The following FAM83A variants were observed in gnomAD, a reference collection of about 807,000 sequenced individuals.
FAM83A encodes scaffolding CK1 anchoring protein A.
A neutral mutation model predicts 24.4 loss-of-function variants in FAM83A; 21 were observed. The ratio of observed to expected loss-of-function variants is 0.86; its 90% CI spans 0.61 to 1.24. The LOEUF (loss-of-function observed/expected upper bound fraction) is 1.24. Among genes scored for constraint, FAM83A ranks in the 50% most tolerant of loss-of-function variants. The probability of loss-of-function intolerance (pLI) is 0.00; values close to 1 mark genes in which losing one functional copy is unlikely to be tolerated. For synonymous variants in FAM83A, 270 were observed against 252.4 expected, an observed-to-expected ratio of 1.07 and a Z score of -0.66; for missense variants, 617 against 579.8, an observed-to-expected ratio of 1.06 and a Z score of -0.66.
At chr8:123,197,186 G>C (rs149678477) in intron 3 of FAM83A, among the ~76,000 whole-genome samples, 15 of 152,308 alleles carry the variant, frequency 9.8e-5, no homozygotes, top group Non-Finnish European at 1.6e-4. Flanking sequence ...GGTGGGGCAA[G>C]TTTTCAGAGA....
intron 1 of FAM83A, among the ~76,000 whole-genome samples, chr8:123,188,862 T>C (rs767594489): frequency 7.9e-5 from 12 of 152,168 alleles, no homozygotes; most frequent in Non-Finnish European, 1.8e-4. Context: ...TGGAAGACAA[T>C]CCCAACAGGA....
At chr8:123,207,172 C>G (rs754046352) in exon 4 of FAM83A, 1 of 1,591,816 alleles carries the variant, frequency 6.3e-7, no homozygotes, top group African/African-American at 1.4e-5. Context: ...CCTGGCTCTG[C>G]GGACACGTGC....
At chr8:123,208,262 GC>G in exon 4 of FAM83A, 1 of 985,518 alleles carries the variant, frequency 1.0e-6, no homozygotes, top group Non-Finnish European at 1.2e-6. Flanking sequence ...TAGGGGTGAG[GC>G]CCCAGAACCC....
chr8:123,187,552 T>C (rs1158237613), intron 1 of FAM83A, among the ~76,000 whole-genome samples: 2 of 152,254 alleles, frequency 1.3e-5, no homozygotes, highest in African/African-American at 4.8e-5. Context: ...TTATTTTATG[T>C]TAACATACGA....
intron 3 of FAM83A, among the ~76,000 whole-genome samples, chr8:123,205,969 CCT>C (rs1254614047): frequency 2.0e-5 from 3 of 151,942 alleles, no homozygotes; most frequent in East Asian, 3.9e-4. Flanking sequence ...ATGGTGAACC[CCT>C]GTCTCTACTA....
At chr8:123,199,685 G>C (rs955500828) in intron 3 of FAM83A, among the ~76,000 whole-genome samples, 5 of 151,982 alleles carry the variant, frequency 3.3e-5, no homozygotes, top group Non-Finnish European at 7.4e-5. Context: ...GGTGAGCCAA[G>C]ATTGCACCAT....
At position 123,200,957 on chromosome 8, in the gene FAM83A, C is replaced by CAA. The variant is rs11322028; in HGVS notation, c.774-6189_774-6188dup. Among the ~76,000 whole-genome samples, 84 of 127,304 alleles carry CAA rather than the reference C, an allele frequency of 6.6e-4. 2 individuals are homozygous for CAA. Among genetic ancestry groups the CAA allele is most frequent in the African/African-American group, 2.1e-3 (66 of 30,878 alleles). The allele number at this position is 127,304 out of a possible 152,430, so 83.5% of individuals were successfully genotyped here. A position where few individuals can be genotyped will look rare whatever the true frequency, so the allele number is the denominator to read the frequency against. On this transcript the variant is annotated intron_variant, in intron 3 of 3. Transcript: ENST00000690554. ...CAAGACTCTGTCTCAAACAAATAAA[C>CAA]AAAAAAAAAAAATATATATATATAT... is the stretch of plus-strand genomic sequence containing the variant.
chr8:123,197,854 G>A (rs1258431768), intron 3 of FAM83A, among the ~76,000 whole-genome samples: 2 of 152,224 alleles, frequency 1.3e-5, no homozygotes, highest in Non-Finnish European at 2.9e-5. Context: ...TCTGGGCCGG[G>A]TGCAGTGGCT....
intron 3 of FAM83A, among the ~76,000 whole-genome samples, chr8:123,196,267 C>T (rs534222750): frequency 1.0e-3 from 156 of 152,330 alleles, no homozygotes; most frequent in African/African-American, 3.7e-3. Context: ...CCACCTCAGC[C>T]CCCCAAAGTG....
chr8:123,184,125 G>T (rs556390098), intron 1 of FAM83A, among the ~76,000 whole-genome samples: 1 of 152,116 alleles, frequency 6.6e-6, no homozygotes, highest in Non-Finnish European at 1.5e-5. Context: ...CATACCAAGT[G>T]CCCTGTAGAG....
exon 4 of FAM83A, chr8:123,207,989 C>A: frequency 8.4e-7 from 1 of 1,185,470 alleles, no homozygotes. Context: ...TCATCCGGGG[C>A]TTTAATATTA....
At chr8:123,194,075 A>G in exon 3 of FAM83A, 2 of 1,614,246 alleles carry the variant, frequency 1.2e-6, no homozygotes, top group Non-Finnish European at 1.7e-6. Context: ...CAAGTCAGGC[A>G]GGAAATTCGC....
At chr8:123,206,449 G>A (rs114120847) in intron 3 of FAM83A, among the ~76,000 whole-genome samples, 2,530 of 152,298 alleles carry the variant, frequency 0.017, 26 homozygotes, top group Non-Finnish European at 0.027. Context: ...CTTCCCAAGA[G>A]CAGCCGCCTT....
chr8:123,199,129 A>G (rs1824261524), intron 3 of FAM83A, among the ~76,000 whole-genome samples: 1 of 152,168 alleles, frequency 6.6e-6, no homozygotes, highest in South Asian at 2.1e-4. Flanking sequence ...AACGCACTCC[A>G]TTTGTATTAG....
intron 3 of FAM83A, among the ~76,000 whole-genome samples, chr8:123,196,504 T>C (rs1824159206): frequency 6.6e-6 from 1 of 152,206 alleles, no homozygotes. Context: ...AGATAGCTCC[T>C]TTTTTTCTCT....
At chr8:123,206,359 C>T (rs757098691) in intron 3 of FAM83A, among the ~76,000 whole-genome samples, 4 of 152,144 alleles carry the variant, frequency 2.6e-5, no homozygotes, top group Non-Finnish European at 5.9e-5. Flanking sequence ...TCCACTCATC[C>T]CTGCTGGGTC....
At chr8:123,207,166 G>C in exon 4 of FAM83A, 1 of 1,582,090 alleles carries the variant, frequency 6.3e-7, no homozygotes, top group African/African-American at 1.4e-5. Flanking sequence ...GCTTCACCTG[G>C]CTCTGCGGAC....
exon 4 of FAM83A, chr8:123,208,512 G>A: frequency 1.0e-6 from 1 of 985,564 alleles, no homozygotes; most frequent in Non-Finnish European, 1.2e-6. Flanking sequence ...GCAGCAGGGA[G>A]GGCTCAGCTG....
At chr8:123,182,816 G>A in exon 1 of FAM83A, 1 of 1,510,200 alleles carries the variant, frequency 6.6e-7, no homozygotes, top group Non-Finnish European at 8.9e-7. Context: ...TGGAGGAGCT[G>A]ACGTGCCAGC....
Sources: allele counts gnomAD v4.1 joint callset (sites outside exome capture counted in the v4.1 genomes callset), GRCh38; gene constraint gnomAD v4.1.1; transcripts MANE v1.5; gene names NCBI Gene and HGNC (gene_info 2026-07-23, HGNC 2026-07-21).